EP400: variants seen among roughly 807,000 people sequenced by gnomAD.
The protein encoded by EP400 is E1A-binding protein p400.
Under a neutral mutation model 354.1 loss-of-function variants are expected in EP400, and 105 were observed. That is an observed-to-expected ratio of 0.30 (90% CI 0.25 to 0.35). The LOEUF (loss-of-function observed/expected upper bound fraction) is 0.35, where lower values mean the gene tolerates loss of function less well. Among genes scored for constraint, EP400 ranks in the 10% least tolerant of loss-of-function variants. EP400 has a pLI of 1.00. For missense variants in EP400, 3,280 were observed against 4,121.0 expected, an observed-to-expected ratio of 0.80 and a Z score of 5.59; for synonymous variants, 1,646 against 1,716.9, an observed-to-expected ratio of 0.96 and a Z score of 1.02.
chr12:131,987,049 C>T (rs1184567221), intron 6 of EP400, among the ~76,000 whole-genome samples: 1 of 152,090 alleles, frequency 6.6e-6, no homozygotes, highest in Non-Finnish European at 1.5e-5. Flanking sequence ...GGGCAGTAGA[C>T]GAGGGTGGGA....
chr12:131,979,655 TC>T, intron 2 of EP400, 38 bp from the exon 3 acceptor site: 2 of 1,572,436 alleles, frequency 1.3e-6, no homozygotes, highest in South Asian at 2.3e-5. Context: ...GTAATGGCCT[TC>T]AGTGATCAAA....
intron 12 of EP400, among the ~76,000 whole-genome samples, chr12:131,997,981 G>A (rs1893274381): frequency 6.6e-6 from 1 of 152,180 alleles, no homozygotes; most frequent in African/African-American, 2.4e-5. Flanking sequence ...CTTAGGTTGT[G>A]AAATGAGTGC....
chr12:132,024,011 C>A, intron 24 of EP400, 70 bp downstream of exon 24: 2 of 1,436,412 alleles, frequency 1.4e-6, no homozygotes, highest in East Asian at 5.1e-5. Context: ...CCCTGCTGCC[C>A]ACGGGCCTGC....
chr12:132,023,917 G>A lies in EP400; in HGVS notation c.4831G>A (p.Ala1611Thr). 1 of 1,607,860 alleles carries A rather than the reference G, an allele frequency of 6.2e-7. No homozygotes were observed. Among genetic ancestry groups the A allele is most frequent in the African/African-American group, 1.3e-5 (1 of 74,620 alleles). ...LSHSQLRQLT[A>T]GQPLQLQGSV... ...ACACAGCCAGCTCCGGCAGCTCACAGCGGGCCAGCCGCTGCAGCTGCAAGG... is the reference window on the plus strand; with the variant it reads ...ACACAGCCAGCTCCGGCAGCTCACAACGGGCCAGCCGCTGCAGCTGCAAGG... Residue 1611 changes from alanine (A) to threonine (T), a missense_variant, in exon 24 of 53, where the codon GCG becomes ACG. By Grantham distance (58) the Ala-to-Thr change is moderately conservative. This residue lies in a region of EP400 where 25 missense variants were observed against 51.2 expected (regional missense o/e 0.49). Transcript: ENST00000389561.
intron 5 of EP400, 91 bp from the exon 6 acceptor site, chr12:131,986,421 GTC>G (rs746029489): frequency 7.6e-7 from 1 of 1,309,834 alleles, no homozygotes; most frequent in Non-Finnish European, 1.0e-6. Context: ...GGCAGTGCGC[GTC>G]TCTGGTGCTG....
chr12:131,959,642 A>G (rs1006888050), intron 1 of EP400, among the ~76,000 whole-genome samples: 70 of 152,220 alleles, frequency 4.6e-4, no homozygotes, highest in African/African-American at 1.6e-3. Context: ...TTGCAAAGCC[A>G]GAAAGGCAAC....
chr12:132,027,361 C>T lies in EP400; in HGVS notation c.5015-76C>T. On this transcript the variant is annotated intron_variant, in intron 25 of 52. Coordinates refer to ENST00000389561, the MANE Select transcript of EP400 (RefSeq NM_015409.5). The surrounding 1 kb of genome is among the most constrained non-coding windows in gnomAD (Gnocchi z 4.9). ...AGTGTGCTGGTGGAGGGTGAGGTTC[C>T]ATGGAGCATGCTGGTGTCAGATGAA... 1 of 1,464,952 alleles carries T rather than the reference C, an allele frequency of 6.8e-7. No individual in the cohort carries two copies. The highest frequency in any genetic ancestry group is 1.2e-5 in the South Asian group (1 of 86,628). The allele number at this position is 1,464,952 out of a possible 1,614,324, so 90.7% of individuals were successfully genotyped here. A position where few individuals can be genotyped will look rare whatever the true frequency, so the allele number is the denominator to read the frequency against.
In EP400 at chr12:132,018,534, T is replaced by C. The variant is rs1894020098; in HGVS notation, c.4277+158T>C. 1.3e-5 allele frequency among the ~76,000 whole-genome samples: 2 copies of C among 152,266 alleles called. No homozygotes were observed. Among genetic ancestry groups the C allele is most frequent in the African/African-American group, 4.8e-5 (2 of 41,468 alleles). ...TCCTTGGCTGTGGTATGCCTGGCTC[T>C]GCAGATGCCTTTTAGGCTGTGTGGT... On this transcript the variant is annotated intron_variant, in intron 21 of 52. Transcript: ENST00000389561. The surrounding 1 kb of genome is among the most constrained non-coding windows in gnomAD (Gnocchi z 4.0).
At position 132,050,415 on chromosome 12, in the gene EP400, A is replaced by G. The variant is rs765578116; in HGVS notation, c.7293A>G (p.Leu2431=). 7.4e-6 allele frequency: 12 copies of G among 1,614,084 alleles called. No homozygotes were observed. Among genetic ancestry groups the G allele is most frequent in the Non-Finnish European group, 1.7e-6 (2 of 1,180,042 alleles). Residue 2431 remains leucine (L), a synonymous_variant, in exon 40 of 53, where the codon TTA becomes TTG. Coordinates refer to ENST00000389561, the MANE Select transcript of EP400 (RefSeq NM_015409.5). This position sits in a 1 kb window ranked among gnomAD's most constrained non-coding sequence, Gnocchi z 4.8. Reference sequence around the variant, plus strand: ...AGCTGTACACGAGCCACTTTGACTTAATGAAAATGACTGCTGGCAAGAGGA... The same window carrying G: ...AGCTGTACACGAGCCACTTTGACTTGATGAAAATGACTGCTGGCAAGAGGA... ...HTQLYTSHFD[L]MKMTAGKRSP...
chr12:132,069,341 CAG>C (rs1491400709), intron 50 of EP400, 152 bp from the exon 51 acceptor site: 35 of 1,057,934 alleles, frequency 3.3e-5, no homozygotes, highest in Admixed American at 2.1e-4. Flanking sequence ...AGGGATGGGA[CAG>C]GGGGCAGGAG....
intron 50 of EP400, 128 bp from the exon 51 acceptor site, chr12:132,069,367 C>T: frequency 7.4e-7 from 1 of 1,346,732 alleles, no homozygotes. Context: ...TGGGTATGCA[C>T]AGGGTTGGTC....
rs759623649 is a variant in EP400, at chr12:131,986,740, G to A, written c.2156G>A (p.Ser719Asn). Residue 719 changes from serine to asparagine, a missense_variant, in exon 6 of 53, where the codon AGT becomes AAT. Coordinates refer to ENST00000389561, the MANE Select transcript of EP400 (RefSeq NM_015409.5). ...VVASAPTKPQ[S>N]PAQNATSSQD... is the part of the protein sequence containing the mutation. ...GCATCTGCCCCCACCAAACCACAGA[G>A]TCCTGCTCAGAATGCCACCTCGTCC... 2 of 1,614,204 alleles carry A rather than the reference G, an allele frequency of 1.2e-6. No homozygotes were observed. The highest frequency in any genetic ancestry group is 1.6e-4 in the Middle Eastern group (1 of 6,062).
chr12:132,023,996 A>G (rs1227288478), intron 24 of EP400, 55 bp downstream of exon 24: 1 of 1,486,490 alleles, frequency 6.7e-7, no homozygotes. Context: ...GCGCCTCACC[A>G]TGAGCCCTGC....
At chr12:131,987,068 G>C (rs61944563) in intron 6 of EP400, among the ~76,000 whole-genome samples, 19,123 of 152,128 alleles carry the variant, frequency 0.13, 1,645 homozygotes, top group African/African-American at 0.24. Context: ...GAGAGGTCAC[G>C]TGTAGCAGTT....
rs921414588 is a variant in EP400, at chr12:132,050,785, G to A, written c.7394+130G>A. 46 of 1,098,176 alleles carry A rather than the reference G, an allele frequency of 4.2e-5. 1 individual carries two copies. Among genetic ancestry groups the A allele is most frequent in the East Asian group, 3.3e-4 (14 of 42,050 alleles). 68.0% of individuals were successfully genotyped at this position (1,098,176 alleles called of 1,614,324 possible). A position where few individuals can be genotyped will look rare whatever the true frequency, so the allele number is the denominator to read the frequency against. ...AGGCATCAGCTGGACGTGGCAGTGC[G>A]CAGAACCTGCAGGAGAGAGGTGCTT... On this transcript the variant is annotated intron_variant, in intron 41 of 52. Transcript: ENST00000389561. The surrounding 1 kb of genome is among the most constrained non-coding windows in gnomAD (Gnocchi z 4.8).
At position 132,029,880 on chromosome 12, in the gene EP400, T is replaced by C. The variant is rs1179718269; in HGVS notation, c.5561T>C (p.Leu1854Pro). 9.3e-6 allele frequency: 15 copies of C among 1,612,622 alleles called. No homozygotes were observed. Among genetic ancestry groups the C allele is most frequent in the Non-Finnish European group, 1.3e-5 (15 of 1,180,012 alleles). The change falls in exon 28 of 53, where the codon CTG (leucine) becomes CCG (proline). Residue 1854 changes from leucine (L) to proline (P), a missense_variant. Around this residue, in one of 20 missense-constraint regions of EP400, gnomAD observed 459 missense variants for 496.9 expected, o/e 0.92. Transcript: ENST00000389561. The surrounding 1 kb of genome is among the most constrained non-coding windows in gnomAD (Gnocchi z 4.7). ...TAPRLLQFPE[L>P]RLVQFDSGKL... is the part of the protein sequence containing the mutation. ...CCACGCCTGCTGCAGTTCCCTGAGCTGAGGCTGGTGCAGTTCGACTCAGGT... is the reference window on the plus strand; with the variant it reads ...CCACGCCTGCTGCAGTTCCCTGAGCCGAGGCTGGTGCAGTTCGACTCAGGT...
chr12:132,013,426 A>G lies in EP400; in HGVS notation c.3612-64A>G. ...CCCTTTTCTCACACATTGTCAGAGA[A>G]GATGCTGCTGCAGCCAGCCCCGTGG... On this transcript the variant is annotated intron_variant, in intron 17 of 52. Transcript: ENST00000389561. This position sits in a 1 kb window ranked among gnomAD's most constrained non-coding sequence, Gnocchi z 4.5. The G allele has an allele frequency of 6.6e-7, 1 of 1,505,936 alleles. No homozygotes were observed. The highest frequency in any genetic ancestry group is 8.9e-7 in the Non-Finnish European group (1 of 1,124,114). The allele number at this position is 1,505,936 out of a possible 1,614,324, so 93.3% of individuals were successfully genotyped here.
chr12:131,995,591 C>T (rs113251787), intron 12 of EP400, among the ~76,000 whole-genome samples: 41 of 138,114 alleles, frequency 3.0e-4, no homozygotes, highest in African/African-American at 1.1e-3. Context: ...ACCGTTCATC[C>T]TGAGTGTGTG....
intron 45 of EP400, among the ~76,000 whole-genome samples, chr12:132,059,186 A>G (rs1895609260): frequency 6.6e-6 from 1 of 152,194 alleles, no homozygotes; most frequent in Admixed American, 6.5e-5. Context: ...AGGGAACTTG[A>G]ATTCAAGTCC....
Sources: gnomAD v4.1 joint callset for allele counts (sites outside exome capture counted in the v4.1 genomes callset) on GRCh38, gnomAD v4.1.1 for gene constraint, gnomAD v4.1.1 regional missense constraint, Gnocchi (gnomAD v3.1) non-coding constraint, MANE v1.5 for transcripts, NCBI Gene and HGNC (gene_info 2026-07-23, HGNC 2026-07-21) for gene names.